The following DNAJC13 variants were observed in gnomAD, a reference collection of about 807,000 sequenced individuals.
DNAJC13 encodes dnaJ homolog subfamily C member 13.
In DNAJC13, 75 loss-of-function variants were observed where a neutral mutation model predicts 290.5. That is an observed-to-expected ratio of 0.26 (90% CI 0.21 to 0.31). The LOEUF (loss-of-function observed/expected upper bound fraction) is 0.31, where lower values mean the gene tolerates loss of function less well. Among genes scored for constraint, DNAJC13 ranks in the 10% least tolerant of loss-of-function variants. The pLI is 1.00. For synonymous variants in DNAJC13, 862 were observed against 892.0 expected (o/e 0.97, Z 0.60); for missense variants, 2,260 against 2,674.5 (o/e 0.85, Z 3.42).
intron 4 of DNAJC13, 65 bp from the exon 5 acceptor site, chr3:132,447,832 AG>A (rs1933301476): frequency 7.7e-7 from 1 of 1,290,956 alleles, no homozygotes; most frequent in Non-Finnish European, 1.1e-6. Flanking sequence ...TTTGAGTAGA[AG>A]GGAGTGAGCC....
intron 5 of DNAJC13, among the ~76,000 whole-genome samples, chr3:132,448,872 G>T (rs560709147): frequency 1.6e-4 from 24 of 152,178 alleles, no homozygotes; most frequent in African/African-American, 5.3e-4. Flanking sequence ...GATGAGCCAT[G>T]GTCAAATTTT....
At chr3:132,480,983 A>G (rs971897963) in intron 26 of DNAJC13, among the ~76,000 whole-genome samples, 1 of 152,190 alleles carries the variant, frequency 6.6e-6, no homozygotes, top group Non-Finnish European at 1.5e-5. Flanking sequence ...AGTATTTAGT[A>G]TATGATGTAT....
At chr3:132,512,939 A>G (rs1935821326) in intron 44 of DNAJC13, 69 bp from the exon 45 acceptor site, 7 of 1,277,054 alleles carry the variant, frequency 5.5e-6, no homozygotes, top group South Asian at 2.4e-5. Flanking sequence ...AACAGTGTAT[A>G]TCGGTTTTCT....
chr3:132,504,339 TG>T (rs1935520485), intron 41 of DNAJC13, among the ~76,000 whole-genome samples: 1 of 151,824 alleles, frequency 6.6e-6, no homozygotes, highest in Admixed American at 6.6e-5. Context: ...ATTTTGTTTT[TG>T]TTTTTACTAT....
chr3:132,467,276 T>A lies in DNAJC13; in HGVS notation c.2171T>A (p.Met724Lys). Residue 724 changes from methionine (M) to lysine (K), a missense_variant, in exon 20 of 56, where the codon ATG (methionine) becomes AAG (lysine). Physicochemically the swap from Met to Lys is moderately conservative, Grantham distance 95. This residue lies in a region of DNAJC13 where 762 missense variants were observed against 964.1 expected (regional missense o/e 0.79). Coordinates refer to ENST00000260818, the MANE Select transcript of DNAJC13 (RefSeq NM_015268.4). ...FAKEKVDLVL[M>K]HWRDRMGIAQ... ...AAAGAAAAAGTGGATCTTGTATTGA[T>A]GCACTGGAGGGATAGGATGGGCATT... 6.2e-7 allele frequency: 1 copy of A among 1,613,996 alleles called. No homozygotes were observed. Among genetic ancestry groups the A allele is most frequent in the Non-Finnish European group, 8.5e-7 (1 of 1,179,956 alleles).
At chr3:132,503,532 T>A in intron 41 of DNAJC13, 151 bp downstream of exon 41, 2 of 965,974 alleles carry the variant, frequency 2.1e-6, no homozygotes, top group Non-Finnish European at 3.0e-6. Context: ...TTATAATGGA[T>A]TGATGCTAAT....
rs1225620955 is a variant in DNAJC13, at chr3:132,454,053, G to GT, written c.841-7dup. On this transcript the variant is annotated splice_polypyrimidine_tract_variant and intron_variant, in intron 8 of 55. Transcript: ENST00000260818. The stretch of plus-strand genomic sequence containing the variant: ...CTTTTTTTTGTTGAAGCTATTTTTT[G>GT]TTTTTTCATTAGGTATTTGCGTTGG... The GT allele has an allele frequency of 6.4e-7, 1 of 1,563,334 alleles. No individual in the cohort carries two copies. The highest frequency in any genetic ancestry group is 8.6e-7 in the Non-Finnish European group (1 of 1,160,136).
chr3:132,496,100 C>A (rs1489191854), intron 35 of DNAJC13, among the ~76,000 whole-genome samples: 1 of 152,100 alleles, frequency 6.6e-6, no homozygotes, highest in Non-Finnish European at 1.5e-5. Context: ...AGGTTACTAT[C>A]TCTAAGTTGC....
rs760311505 is a variant in DNAJC13, at chr3:132,466,361, G to A, written c.2031G>A (p.Arg677=). Reference sequence around the variant, plus strand: ...TCGTACCTGAGAAGGATGCTGATCGGATGCATGTTAGAGACAATGTGAAAA... The same window carrying A: ...TCGTACCTGAGAAGGATGCTGATCGAATGCATGTTAGAGACAATGTGAAAA... ...SDLVPEKDAD[R]MHVRDNVKIA... Residue 677 remains arginine (R), a synonymous_variant, in exon 19 of 56, where the codon CGG becomes CGA. Transcript: ENST00000260818. The A allele has an allele frequency of 6.2e-7, 1 of 1,602,230 alleles. No individual in the cohort carries two copies. The highest frequency in any genetic ancestry group is 8.5e-7 in the Non-Finnish European group (1 of 1,176,776).
intron 44 of DNAJC13, among the ~76,000 whole-genome samples, chr3:132,512,676 C>G (rs920885306): frequency 4.6e-5 from 7 of 152,056 alleles, no homozygotes; most frequent in Non-Finnish European, 1.0e-4. Context: ...GGGGGTAACC[C>G]TAAGGTCTAG....
rs969868033 is a variant in DNAJC13, at chr3:132,524,983, A to C, written c.6061-627A>C. Among the ~76,000 whole-genome samples the C allele has an allele frequency of 2.0e-5, 3 of 152,316 alleles. No homozygotes were observed. In the East Asian group the frequency reaches 5.8e-4, roughly 29 times the overall value. On this transcript the variant is annotated intron_variant, in intron 51 of 55. Coordinates refer to ENST00000260818, the MANE Select transcript of DNAJC13 (RefSeq NM_015268.4). Reference sequence around the variant, plus strand: ...CATTCTTCTGGATTATTGTTCTGACACTAACATACCTGCAACATGGTCTAA... The same window carrying C: ...CATTCTTCTGGATTATTGTTCTGACCCTAACATACCTGCAACATGGTCTAA...
chr3:132,471,133 C>A lies in DNAJC13; in HGVS notation c.2209-2012C>A, dbSNP rs1383532469. Among the ~76,000 whole-genome samples the A allele has an allele frequency of 1.6e-4, 22 of 135,138 alleles. 1 individual carries two copies. Among genetic ancestry groups the A allele is most frequent in the African/African-American group, 4.9e-4 (18 of 36,760 alleles). 88.7% of individuals were successfully genotyped at this position (135,138 alleles called of 152,430 possible). ...GTGGGGGGGCTGACCCCCCCATCTC[C>A]CTCCTGGACGGGGTGGCTGGCCCGG... On this transcript the variant is annotated intron_variant, in intron 20 of 55. Coordinates refer to ENST00000260818, the MANE Select transcript of DNAJC13 (RefSeq NM_015268.4).
intron 35 of DNAJC13, among the ~76,000 whole-genome samples, chr3:132,495,998 A>G (rs1350095951): frequency 2.6e-5 from 4 of 152,170 alleles, no homozygotes; most frequent in Non-Finnish European, 4.4e-5. Flanking sequence ...GAATCTACAT[A>G]TAGATAACTG....
chr3:132,429,654 T>G (rs1173291872), intron 1 of DNAJC13, among the ~76,000 whole-genome samples: 1 of 152,212 alleles, frequency 6.6e-6, no homozygotes, highest in Non-Finnish European at 1.5e-5. Flanking sequence ...AATGGAGTTT[T>G]AAAATGGAAA....
intron 15 of DNAJC13, 107 bp from the exon 16 acceptor site, chr3:132,462,360 G>C: frequency 9.5e-7 from 1 of 1,048,568 alleles, no homozygotes; most frequent in Non-Finnish European, 1.4e-6. Flanking sequence ...TAATTTTGTG[G>C]CTTATACCTT....
intron 20 of DNAJC13, among the ~76,000 whole-genome samples, chr3:132,471,232 C>T (rs1306556470): frequency 8.8e-5 from 12 of 136,882 alleles, no homozygotes; most frequent in Admixed American, 6.3e-4. Context: ...GGGCGGCTGG[C>T]CGGGCGGGGG....
intron 3 of DNAJC13, among the ~76,000 whole-genome samples, chr3:132,447,046 A>G (rs1271630208): frequency 2.0e-5 from 3 of 152,162 alleles, no homozygotes; most frequent in Admixed American, 6.5e-5. Flanking sequence ...CAAATTTTTA[A>G]GTAGTCATAA....
At chr3:132,482,734 C>T (rs1289997145) in intron 27 of DNAJC13, among the ~76,000 whole-genome samples, 3 of 151,792 alleles carry the variant, frequency 2.0e-5, no homozygotes, top group African/African-American at 4.8e-5. Flanking sequence ...TGGTGCATGC[C>T]TATAGTGTCA....
At position 132,525,611 on chromosome 3, in the gene DNAJC13, G is replaced by A. The variant is rs1936229884; in HGVS notation, c.6062G>A (p.Gly2021Glu). 6.2e-7 allele frequency: 1 copy of A among 1,613,560 alleles called. No homozygotes were observed. The highest frequency in any genetic ancestry group is 1.1e-5 in the South Asian group (1 of 90,946). Residue 2021 changes from glycine to glutamate, a missense_variant and splice_region_variant, in exon 52 of 56, where the codon GGA becomes GAA. Gly to Glu is a moderately conservative substitution (Grantham distance 98, BLOSUM62 -2). This residue lies in a region of DNAJC13 where 1,494 missense variants were observed against 1,693.7 expected (regional missense o/e 0.88). Transcript: ENST00000260818. ...TELLEKNNPH[G>E]ETLETLTMAT... ...TTTATTTTTGTTTTACACCTGCAGG[G>A]AGAAACTCTGGAAACCTTGACAATG... is the stretch of plus-strand genomic sequence containing the variant.
Sources: allele counts gnomAD v4.1 joint callset (sites outside exome capture counted in the v4.1 genomes callset), GRCh38; gene constraint gnomAD v4.1.1; regional missense constraint gnomAD v4.1.1; transcripts MANE v1.5; gene names NCBI Gene and HGNC (gene_info 2026-07-23, HGNC 2026-07-21).